The following LRRC4C variants were observed in gnomAD, a reference collection of about 807,000 sequenced individuals.
The protein encoded by LRRC4C is leucine-rich repeat-containing protein 4C.
In LRRC4C, 5 loss-of-function variants were observed where a neutral mutation model predicts 33.6. The ratio of observed to expected loss-of-function variants is 0.15; its 90% CI spans 0.08 to 0.31. LRRC4C has a LOEUF of 0.31. Among genes scored for constraint, LRRC4C ranks in the 10% least tolerant of loss-of-function variants. The pLI, the probability that LRRC4C is intolerant of heterozygous loss-of-function variation, is 1.00. For synonymous variants in LRRC4C, 329 were observed against 302.0 expected (o/e 1.09, Z -0.93); for missense variants, 560 against 796.7 (o/e 0.70, Z 3.58).
chr11:40,673,420 G>A (rs1465096546), intron 2 of LRRC4C, among the ~76,000 whole-genome samples: 1 of 151,944 alleles, frequency 6.6e-6, no homozygotes, highest in East Asian at 1.9e-4. Context: ...TTATTCTACA[G>A]GCCATAAGGC....
chr11:40,520,582 G>A (rs1955768168), intron 3 of LRRC4C, among the ~76,000 whole-genome samples: 1 of 152,124 alleles, frequency 6.6e-6, no homozygotes, highest in African/African-American at 2.4e-5. Flanking sequence ...ATTTATATGG[G>A]TTTGTGGTAC....
At chr11:40,272,203 G>C (rs1002227174) in intron 4 of LRRC4C, among the ~76,000 whole-genome samples, 1 of 152,102 alleles carries the variant, frequency 6.6e-6, no homozygotes, top group Non-Finnish European at 1.5e-5. Flanking sequence ...TAGCTATTTG[G>C]TGGATATTTT....
intron 2 of LRRC4C, among the ~76,000 whole-genome samples, chr11:40,829,526 T>C (rs1183112776): frequency 2.0e-5 from 3 of 152,054 alleles, no homozygotes; most frequent in African/African-American, 4.8e-5. Context: ...AATTATTTTA[T>C]TGGATGATAT....
At chr11:40,270,625 A>G (rs1451173990) in intron 4 of LRRC4C, among the ~76,000 whole-genome samples, 3 of 152,074 alleles carry the variant, frequency 2.0e-5, no homozygotes. Flanking sequence ...CTTCTATTTT[A>G]TTCACAGAAC....
chr11:40,718,171 C>T (rs967477002), intron 2 of LRRC4C, among the ~76,000 whole-genome samples: 8 of 152,156 alleles, frequency 5.3e-5, no homozygotes, highest in Non-Finnish European at 7.3e-5. Flanking sequence ...CTGCATAACA[C>T]AGGGCAGTGG....
intron 3 of LRRC4C, among the ~76,000 whole-genome samples, chr11:40,526,861 C>T (rs1473376462): frequency 2.6e-5 from 4 of 151,930 alleles, no homozygotes; most frequent in Non-Finnish European, 4.4e-5. Context: ...GAATAAATGG[C>T]GATTGCTGTA....
chr11:40,686,860 G>A (rs1407895450), intron 2 of LRRC4C, among the ~76,000 whole-genome samples: 1 of 151,946 alleles, frequency 6.6e-6, no homozygotes, highest in African/African-American at 2.4e-5. Flanking sequence ...GACATCTTCA[G>A]TTTAAAGAAG....
At chr11:40,345,388 A>T (rs1168933368) in intron 3 of LRRC4C, among the ~76,000 whole-genome samples, 1 of 152,132 alleles carries the variant, frequency 6.6e-6, no homozygotes, top group Non-Finnish European at 1.5e-5. Flanking sequence ...GCACAGAAAT[A>T]ATGCCATATT....
intron 2 of LRRC4C, among the ~76,000 whole-genome samples, chr11:40,842,979 T>G (rs1264109880): frequency 6.6e-6 from 1 of 152,190 alleles, no homozygotes; most frequent in Admixed American, 6.5e-5. Flanking sequence ...ACGAAACCTG[T>G]GTTTTCATTC....
intron 2 of LRRC4C, among the ~76,000 whole-genome samples, chr11:40,901,721 A>C (rs1956208376): frequency 6.6e-6 from 1 of 152,212 alleles, no homozygotes; most frequent in Non-Finnish European, 1.5e-5. Flanking sequence ...GACTTCCCAA[A>C]GGTATTTGTA....
intron 3 of LRRC4C, among the ~76,000 whole-genome samples, chr11:40,582,821 C>A (rs1958533984): frequency 7.1e-6 from 1 of 140,646 alleles, no homozygotes; most frequent in African/African-American, 2.5e-5. Flanking sequence ...CCAGCCTGTT[C>A]AATTTTTTTT....
intron 2 of LRRC4C, among the ~76,000 whole-genome samples, chr11:40,744,560 G>A (rs1451853601): frequency 2.0e-5 from 3 of 152,072 alleles, no homozygotes; most frequent in African/African-American, 4.8e-5. Context: ...TGAACTTCAT[G>A]AGAGAAGCCA....
intron 1 of LRRC4C, among the ~76,000 whole-genome samples, chr11:41,107,868 C>T (rs1054191704): frequency 2.9e-4 from 44 of 151,652 alleles, no homozygotes; most frequent in Admixed American, 5.9e-4. Context: ...AAATGGGAGG[C>T]GGAGTTTGCT....
In LRRC4C at chr11:40,527,243, C is replaced by T. The variant is rs142075381; in HGVS notation, c.-270+120899G>A. On this transcript the variant is annotated intron_variant, in intron 3 of 6. Transcript: ENST00000528697. ...TCATAAAAATTCATCAAGCTATTCA[C>T]CTATGTTTGTGCACTTGTCTGCAAT... is the stretch of plus-strand genomic sequence containing the variant. 2.6e-3 allele frequency among the ~76,000 whole-genome samples: 401 copies of T among 152,148 alleles called. 1 individual carries two copies. Among genetic ancestry groups the T allele is most frequent in the African/African-American group, 8.9e-3 (369 of 41,494 alleles).
chr11:40,191,990 G>GTT (rs1185540246), intron 5 of LRRC4C, among the ~76,000 whole-genome samples: 1 of 151,976 alleles, frequency 6.6e-6, no homozygotes, highest in Non-Finnish European at 1.5e-5. Context: ...GTCTATAATT[G>GTT]TTATATATAT....
At chr11:41,146,672 A>T (rs1943740674) in intron 1 of LRRC4C, among the ~76,000 whole-genome samples, 1 of 152,192 alleles carries the variant, frequency 6.6e-6, no homozygotes, top group Non-Finnish European at 1.5e-5. Flanking sequence ...CAAAAGAAAA[A>T]TTTGTCCTTC....
chr11:40,355,345 A>G (rs1308055693), intron 3 of LRRC4C, among the ~76,000 whole-genome samples: 1 of 152,110 alleles, frequency 6.6e-6, no homozygotes, highest in Non-Finnish European at 1.5e-5. Flanking sequence ...ACTAGATTAC[A>G]TGTATCCCAA....
intron 1 of LRRC4C, among the ~76,000 whole-genome samples, chr11:41,423,719 A>C (rs1196828128): frequency 1.3e-5 from 2 of 152,084 alleles, no homozygotes; most frequent in African/African-American, 4.8e-5. Context: ...GCCCAGACTA[A>C]GACAGTGGCA....
At chr11:41,053,985 A>G (rs355222) in intron 1 of LRRC4C, among the ~76,000 whole-genome samples, 148,027 of 152,242 alleles carry the variant, frequency 0.97, 72,110 homozygotes, top group East Asian at 1. Context: ...AGTCATTTGC[A>G]TTGTTCATTG....
Sources: allele counts gnomAD v4.1 joint callset (sites outside exome capture counted in the v4.1 genomes callset), GRCh38; gene constraint gnomAD v4.1.1; transcripts MANE v1.5; gene names NCBI Gene and HGNC (gene_info 2026-07-23, HGNC 2026-07-21).